Variants in CUX2 observed in about 807,000 individuals in gnomAD.
The protein encoded by CUX2 is cut like homeobox 2.
CUX2 carries 40 observed loss-of-function variants against 144.8 expected under a neutral mutation model. That is an observed-to-expected ratio of 0.28 (90% CI 0.21 to 0.36). The LOEUF (loss-of-function observed/expected upper bound fraction) is 0.36, where lower values mean the gene tolerates loss of function less well. CUX2 is among the 10% of genes least tolerant of loss of function. The pLI is 1.00. For synonymous variants in CUX2, 827 were observed against 875.6 expected, an observed-to-expected ratio of 0.94 and a Z score of 0.98; for missense variants, 1,615 against 1,994.0, an observed-to-expected ratio of 0.81 and a Z score of 3.62.
intron 18 of CUX2, among the ~76,000 whole-genome samples, chr12:111,324,594 G>A (rs57296970): frequency 2.0e-5 from 3 of 151,922 alleles, no homozygotes; most frequent in African/African-American, 7.2e-5. Flanking sequence ...TCTGCCTCCC[G>A]GGTTCAAGCG....
chr12:111,213,280 T>C (rs768270470), intron 1 of CUX2, among the ~76,000 whole-genome samples: 8 of 152,246 alleles, frequency 5.3e-5, no homozygotes, highest in African/African-American at 1.2e-4. Flanking sequence ...TCTTGAATTA[T>C]GCAAATGAAA....
intron 1 of CUX2, among the ~76,000 whole-genome samples, chr12:111,145,943 G>A (rs897216327): frequency 1.3e-5 from 2 of 151,694 alleles, no homozygotes; most frequent in African/African-American, 4.8e-5. Context: ...CTGACCTTGT[G>A]ATCCACCCAC....
chr12:111,216,242 A>C (rs544172971), intron 2 of CUX2, among the ~76,000 whole-genome samples: 1 of 152,220 alleles, frequency 6.6e-6, no homozygotes, highest in Non-Finnish European at 1.5e-5. Flanking sequence ...ACCTGGGCTC[A>C]AATTCTAGCT....
chr12:111,141,738 C>T (rs1347866993), intron 1 of CUX2, among the ~76,000 whole-genome samples: 1 of 152,158 alleles, frequency 6.6e-6, no homozygotes, highest in Non-Finnish European at 1.5e-5. Context: ...ATGCATGGTA[C>T]CTAATAGGCA....
At chr12:111,172,117 G>A (rs1878571023) in intron 1 of CUX2, among the ~76,000 whole-genome samples, 1 of 152,040 alleles carries the variant, frequency 6.6e-6, no homozygotes, top group East Asian at 1.9e-4. Context: ...ATATGCTTGT[G>A]TGTGTGTGTG....
intron 1 of CUX2, among the ~76,000 whole-genome samples, chr12:111,081,548 C>G (rs1476196164): frequency 6.6e-6 from 1 of 152,258 alleles, no homozygotes; most frequent in East Asian, 1.9e-4. Flanking sequence ...GAAACCGACT[C>G]AGCCCCCACC....
At chr12:111,193,093 A>G (rs1160550663) in intron 1 of CUX2, among the ~76,000 whole-genome samples, 1 of 152,146 alleles carries the variant, frequency 6.6e-6, no homozygotes, top group African/African-American at 2.4e-5. Context: ...GAGTGAATGG[A>G]GTGTGAGCCA....
intron 1 of CUX2, among the ~76,000 whole-genome samples, chr12:111,106,891 G>C (rs1460573602): frequency 6.6e-6 from 1 of 152,222 alleles, no homozygotes; most frequent in Non-Finnish European, 1.5e-5. Flanking sequence ...TGGGGACAGG[G>C]AGAGGCAAGG....
At chr12:111,189,288 C>T (rs1879738195) in intron 1 of CUX2, among the ~76,000 whole-genome samples, 1 of 152,078 alleles carries the variant, frequency 6.6e-6, no homozygotes, top group Non-Finnish European at 1.5e-5. Flanking sequence ...AAAAAAGAAA[C>T]AGAACATTCC....
chr12:111,208,880 G>C (rs1041589076), intron 1 of CUX2, among the ~76,000 whole-genome samples: 8 of 152,094 alleles, frequency 5.3e-5, no homozygotes, highest in Non-Finnish European at 1.0e-4. Context: ...TTTGTTTTTG[G>C]TTATACTTTT....
intron 1 of CUX2, among the ~76,000 whole-genome samples, chr12:111,154,508 G>A (rs1487114454): frequency 2.0e-5 from 3 of 152,140 alleles, no homozygotes; most frequent in Admixed American, 6.5e-5. Flanking sequence ...TAACCTTGAC[G>A]TGGAAGAATA....
chr12:111,137,721 C>T (rs1876001157), intron 1 of CUX2, among the ~76,000 whole-genome samples: 1 of 152,014 alleles, frequency 6.6e-6, no homozygotes, highest in South Asian at 2.1e-4. Context: ...CACTATGTTG[C>T]CCAAGCTGGC....
At chr12:111,244,346 T>C (rs1232916626) in intron 3 of CUX2, among the ~76,000 whole-genome samples, 1 of 152,190 alleles carries the variant, frequency 6.6e-6, no homozygotes, top group African/African-American at 2.4e-5. Context: ...AGTACCCACC[T>C]TGGTTCTGGG....
intron 1 of CUX2, among the ~76,000 whole-genome samples, chr12:111,153,113 G>A (rs555133181): frequency 1.3e-5 from 2 of 152,282 alleles, no homozygotes; most frequent in East Asian, 3.9e-4. Flanking sequence ...ATTCTCACTG[G>A]GGAAGGCCCC....
chr12:111,252,047 A>G (rs1883589147), intron 3 of CUX2, among the ~76,000 whole-genome samples: 1 of 152,154 alleles, frequency 6.6e-6, no homozygotes, highest in South Asian at 2.1e-4. Flanking sequence ...TTAGCCAGGC[A>G]TGGTGGCGTG....
At chr12:111,189,542 A>G (rs544628067) in intron 1 of CUX2, among the ~76,000 whole-genome samples, 1 of 152,348 alleles carries the variant, frequency 6.6e-6, no homozygotes, top group African/African-American at 2.4e-5. Context: ...TCGTGGCCAC[A>G]CCGTAGTATT....
intron 3 of CUX2, among the ~76,000 whole-genome samples, chr12:111,236,944 T>G (rs1396220697): frequency 6.6e-6 from 1 of 151,810 alleles, no homozygotes; most frequent in African/African-American, 2.4e-5. Context: ...AGTCCAGGAG[T>G]TTGAGACCAG....
rs1566199297 is a variant in CUX2 at position 111,069,561 on chromosome 12, T to TGTGTGTGTGTGTGCGCGCGCGC, written c.63+35331_63+35332insGTGCGCGCGCGCGTGTGTGTGT. 9.5e-5 allele frequency among the ~76,000 whole-genome samples: 14 copies of TGTGTGTGTGTGTGCGCGCGCGC among 146,884 alleles called. No homozygotes were observed. In the South Asian group the frequency reaches 3.0e-3, roughly 32 times the overall value. On this transcript the variant is annotated intron_variant, in intron 1 of 21. Coordinates refer to ENST00000261726, the MANE Select transcript of CUX2 (RefSeq NM_015267.4). ...GTGTGTGTGTGTGTGTGCGCGCGCG[T>TGTGTGTGTGTGTGCGCGCGCGC]GTGTGTGTGTTATTTTCTCATAGCT...
rs939296631 is a variant in CUX2 at position 111,128,164 on chromosome 12, C to T, written c.64-86036C>T. 5.3e-5 allele frequency among the ~76,000 whole-genome samples: 8 copies of T among 152,308 alleles called. No individual in the cohort carries two copies. In the East Asian group the frequency reaches 9.6e-4, roughly 18 times the overall value. ...CAAGTCCCTGACCATCGAACCAAACCGTTAACCACAGCCCATCAATTGCTA... is the reference window on the plus strand; with the variant it reads ...CAAGTCCCTGACCATCGAACCAAACTGTTAACCACAGCCCATCAATTGCTA... On this transcript the variant is annotated intron_variant, in intron 1 of 21. Transcript: ENST00000261726.
Sources: allele counts gnomAD v4.1 joint callset (sites outside exome capture counted in the v4.1 genomes callset), GRCh38; gene constraint gnomAD v4.1.1; transcripts MANE v1.5; gene names NCBI Gene and HGNC (gene_info 2026-07-23, HGNC 2026-07-21).